Variants in MAPK8 observed in about 807,000 individuals in gnomAD.
MAPK8 encodes JUN N-terminal kinase.
In MAPK8, 13 loss-of-function variants were observed where a neutral mutation model predicts 52.9. The observed-to-expected ratio is 0.25, with a 90% CI of 0.16 to 0.39. The LOEUF is 0.39. Ranked by LOEUF, MAPK8 falls within the 10% of genes least tolerant of loss-of-function variation. The probability of loss-of-function intolerance (pLI) is 1.00; values close to 1 mark genes in which losing one functional copy is unlikely to be tolerated. For missense variants in MAPK8, 300 were observed against 519.2 expected (o/e 0.58, Z 4.10); for synonymous variants, 191 against 169.8 (o/e 1.12, Z -0.97).
intron 1 of MAPK8, among the ~76,000 whole-genome samples, chr10:48,321,087 G>C (rs1397468321): frequency 7.8e-6 from 1 of 127,898 alleles, no homozygotes; most frequent in Non-Finnish European, 1.6e-5. Context: ...TACGTTGTAA[G>C]AGTTTTTTTT....
chr10:48,321,099 T>TG (rs1456706706), intron 1 of MAPK8, among the ~76,000 whole-genome samples: 1 of 149,358 alleles, frequency 6.7e-6, no homozygotes, highest in Non-Finnish European at 1.5e-5. Flanking sequence ...GTTTTTTTTT[T>TG]TTTTTTTTTT....
At chr10:48,351,944 G>T (rs1211265902) in intron 1 of MAPK8, among the ~76,000 whole-genome samples, 2 of 152,074 alleles carry the variant, frequency 1.3e-5, no homozygotes, top group Non-Finnish European at 2.9e-5. Flanking sequence ...GGAGCATTTC[G>T]GATTTCAGAT....
intron 1 of MAPK8, among the ~76,000 whole-genome samples, chr10:48,394,815 A>G (rs2041809676): frequency 6.6e-6 from 1 of 152,010 alleles, no homozygotes; most frequent in Middle Eastern, 3.4e-3. Context: ...CCAATACACA[A>G]AAAAAGCCTA....
In MAPK8 at chr10:48,311,899, G is replaced by T. The variant is rs188758394; in HGVS notation, c.-50+5078G>T. On this transcript the variant is annotated intron_variant, in intron 1 of 11. Transcript: ENST00000374189. ...ACTTCGGCAGTATTTACTGAGCATT[G>T]CACTATACTAATCCAGGTATTCGGT... is the stretch of plus-strand genomic sequence containing the variant. 2.0e-5 allele frequency among the ~76,000 whole-genome samples: 3 copies of T among 152,298 alleles called. No individual in the cohort carries two copies. In the East Asian group the frequency reaches 5.8e-4, roughly 29 times the overall value.
intron 1 of MAPK8, among the ~76,000 whole-genome samples, chr10:48,349,787 A>T (rs1472675036): frequency 6.6e-6 from 1 of 152,216 alleles, no homozygotes; most frequent in African/African-American, 2.4e-5. Flanking sequence ...GAACTGAAGG[A>T]GATACAGACA....
At chr10:48,391,205 T>TA (rs2041604121) in intron 1 of MAPK8, among the ~76,000 whole-genome samples, 1 of 152,216 alleles carries the variant, frequency 6.6e-6, no homozygotes, top group Admixed American at 6.5e-5. Context: ...ATTTGAAAGT[T>TA]AAAGCCGAAC....
intron 1 of MAPK8, among the ~76,000 whole-genome samples, chr10:48,387,751 T>G (rs1712311905): frequency 6.6e-6 from 1 of 152,200 alleles, no homozygotes; most frequent in Admixed American, 6.5e-5. Flanking sequence ...GCATGTCATA[T>G]GTAGTGTAAA....
At position 48,426,383 on chromosome 10, in the gene MAPK8, G is replaced by T; in HGVS notation, c.875G>T (p.Ser292Ile). ...ATTAACACCATTATGTTTGCAGCCA[G>T]TCAGGCAAGGGATTTGTTATCCAAA... ...ADSEHNKLKA[S>I]QARDLLSKML... The change falls in exon 9 of 12, where the codon AGT becomes ATT. Residue 292 changes from serine (S) to isoleucine (I), a missense_variant. Physicochemically the swap from Ser to Ile is moderately radical, Grantham distance 142 (BLOSUM62 -2). This residue lies in a region of MAPK8 where 147 missense variants were observed against 328.1 expected (regional missense o/e 0.45). Transcript: ENST00000374189. 1 of 1,604,722 alleles carries T rather than the reference G, an allele frequency of 6.2e-7. No homozygotes were observed. The highest frequency in any genetic ancestry group is 8.5e-7 in the Non-Finnish European group (1 of 1,176,954).
At chr10:48,399,765 TA>T (rs2042065622) in intron 1 of MAPK8, among the ~76,000 whole-genome samples, 1 of 152,220 alleles carries the variant, frequency 6.6e-6, no homozygotes, top group South Asian at 2.1e-4. Context: ...CTGATTATCT[TA>T]ATCTTTTTGA....
intron 11 of MAPK8, among the ~76,000 whole-genome samples, chr10:48,433,553 C>T (rs1351268138): frequency 6.6e-6 from 1 of 152,168 alleles, no homozygotes; most frequent in African/African-American, 2.4e-5. Flanking sequence ...TACCTCTCAT[C>T]TCTCAGGCCT....
chr10:48,345,914 A>C (rs1015426948), intron 1 of MAPK8, among the ~76,000 whole-genome samples: 11 of 152,216 alleles, frequency 7.2e-5, no homozygotes, highest in African/African-American at 2.7e-4. Context: ...GCCAAAGAAC[A>C]TAGAAGAGTC....
intron 11 of MAPK8, among the ~76,000 whole-genome samples, chr10:48,433,338 G>A (rs907949011): frequency 4.6e-5 from 7 of 152,156 alleles, no homozygotes; most frequent in Non-Finnish European, 1.5e-5. Context: ...ATATGTTGGA[G>A]CCCTTTTATG....
chr10:48,397,045 A>G (rs982299035), intron 1 of MAPK8, among the ~76,000 whole-genome samples: 5 of 152,258 alleles, frequency 3.3e-5, no homozygotes, highest in East Asian at 1.9e-4. Context: ...TAGTACAACT[A>G]TCAAAATGAG....
chr10:48,322,719 C>T (rs1482717005), intron 1 of MAPK8, among the ~76,000 whole-genome samples: 1 of 152,142 alleles, frequency 6.6e-6, no homozygotes, highest in South Asian at 2.1e-4. Context: ...TCAAGCTCAG[C>T]TTCTCAGCCA....
At chr10:48,346,429 G>A (rs758345307) in intron 1 of MAPK8, among the ~76,000 whole-genome samples, 6 of 152,250 alleles carry the variant, frequency 3.9e-5, no homozygotes, top group Non-Finnish European at 7.3e-5. Context: ...CCACCAGAGG[G>A]CTCCTTGGTC....
chr10:48,419,701 G>C (rs1043715344), intron 5 of MAPK8, among the ~76,000 whole-genome samples: 2 of 152,120 alleles, frequency 1.3e-5, no homozygotes, highest in African/African-American at 4.8e-5. Flanking sequence ...ACATTTGTTA[G>C]GATTGACAAG....
chr10:48,431,412 G>GT (rs2044243040), intron 11 of MAPK8, 142 bp downstream of exon 11: 3 of 611,898 alleles, frequency 4.9e-6, no homozygotes, highest in Non-Finnish European at 8.5e-6. Flanking sequence ...ATACAGTTTT[G>GT]TTTTTTCTAC....
intron 1 of MAPK8, among the ~76,000 whole-genome samples, chr10:48,369,811 C>T (rs1848387868): frequency 6.6e-6 from 1 of 152,084 alleles, no homozygotes; most frequent in African/African-American, 2.4e-5. Context: ...GTGAAAGTGT[C>T]AGGTGCTGAT....
chr10:48,336,226 A>G (rs1305562772), intron 1 of MAPK8, among the ~76,000 whole-genome samples: 1 of 152,232 alleles, frequency 6.6e-6, no homozygotes, highest in Non-Finnish European at 1.5e-5. Context: ...CACAACATAT[A>G]TGGCAGATAT....
Sources: allele counts gnomAD v4.1 joint callset (sites outside exome capture counted in the v4.1 genomes callset), GRCh38; gene constraint gnomAD v4.1.1; regional missense constraint gnomAD v4.1.1; transcripts MANE v1.5; gene names NCBI Gene and HGNC (gene_info 2026-07-23, HGNC 2026-07-21).